Variants in PCGF6 observed in about 807,000 individuals in gnomAD.
The protein encoded by PCGF6 is polycomb group RING finger protein 6.
A neutral mutation model predicts 45.5 loss-of-function variants in PCGF6; 24 were observed. The observed-to-expected ratio is 0.53, with a 90% confidence interval of 0.38 to 0.74. The LOEUF is 0.74. PCGF6 is among the 30% of genes least tolerant of loss of function. PCGF6 has a pLI of 0.00. For synonymous variants in PCGF6, 152 were observed against 162.1 expected, an observed-to-expected ratio of 0.94 and a Z score of 0.47; for missense variants, 356 against 443.2, an observed-to-expected ratio of 0.80 and a Z score of 1.77.
chr10:103,322,717 G>A (rs138390062), intron 8 of PCGF6, among the ~76,000 whole-genome samples: 1 of 151,956 alleles, frequency 6.6e-6, no homozygotes, highest in African/African-American at 2.4e-5. Flanking sequence ...CCAGCTACCT[G>A]GGAGGCTGAG....
At chr10:103,320,710 T>C (rs2133567251) in intron 8 of PCGF6, among the ~76,000 whole-genome samples, 1 of 151,626 alleles carries the variant, frequency 6.6e-6, no homozygotes, top group African/African-American at 2.4e-5. Flanking sequence ...AAGATCTGTA[T>C]TTTTTAAACT....
Position 103,332,848 on chromosome 10 carries a change from C to G in PCGF6, c.810+1077G>C, listed in dbSNP as rs956777120. Among the ~76,000 whole-genome samples, 4 of 152,266 alleles carry G rather than the reference C, an allele frequency of 2.6e-5. No homozygotes were observed. The South Asian group carries it at 8.3e-4, about 32-fold the overall frequency. ...GGGGATTTATGGTCGGGCGCAGTGGCTCACACCTGTAATCCCAGCACTTTG... is the reference window on the plus strand; with the variant it reads ...GGGGATTTATGGTCGGGCGCAGTGGGTCACACCTGTAATCCCAGCACTTTG... On this transcript the variant is annotated intron_variant, in intron 7 of 9. Transcript: ENST00000369847.
intron 8 of PCGF6, among the ~76,000 whole-genome samples, chr10:103,322,498 G>A (rs1222381631): frequency 1.3e-5 from 2 of 150,552 alleles, no homozygotes; most frequent in Non-Finnish European, 3.0e-5. Flanking sequence ...AAGCCACCAC[G>A]GCCAGCCCAA....
intron 5 of PCGF6, among the ~76,000 whole-genome samples, chr10:103,345,653 C>T (rs2093296276): frequency 6.6e-6 from 1 of 151,128 alleles, no homozygotes; most frequent in South Asian, 2.1e-4. Flanking sequence ...CATCGCAAAA[C>T]CCTGCCCCTA....
chr10:103,326,558 T>C lies in PCGF6; in HGVS notation c.885A>G (p.Lys295=). The change falls in exon 8 of 10, where the codon AAA becomes AAG. Residue 295 remains lysine, a synonymous_variant. Coordinates refer to ENST00000369847, the MANE Select transcript of PCGF6 (RefSeq NM_001011663.2). ...CCTGACAAGCTGGATCAAGACCCAT[T>C]TTTCTTCTGAGGAATTTTTCTACAT... ...IGHVEKFLRR[K]MGLDPACQVD... 1.2e-6 allele frequency: 2 copies of C among 1,612,104 alleles called. No homozygotes were observed. Among genetic ancestry groups the C allele is most frequent in the Non-Finnish European group, 1.7e-6 (2 of 1,179,680 alleles).
chr10:103,347,599 T>C, intron 3 of PCGF6, 149 bp from the exon 4 acceptor site: 2 of 642,106 alleles, frequency 3.1e-6, no homozygotes, highest in Non-Finnish European at 5.5e-6. Context: ...TCCTAAAATA[T>C]AACTCACTCA....
intron 8 of PCGF6, among the ~76,000 whole-genome samples, chr10:103,322,784 A>G (rs955826826): frequency 3.2e-4 from 49 of 152,048 alleles, no homozygotes; most frequent in African/African-American, 1.2e-3. Context: ...AGACTGTGCC[A>G]CTGCACTCCA....
chr10:103,342,987 G>A (rs2093286501), intron 6 of PCGF6, among the ~76,000 whole-genome samples: 1 of 152,014 alleles, frequency 6.6e-6, no homozygotes, highest in Non-Finnish European at 1.5e-5. Context: ...GGAGTGCAGT[G>A]GCACCACCTC....
chr10:103,350,644 G>C (rs1380042955), intron 1 of PCGF6, 63 bp downstream of exon 1: 2 of 1,358,066 alleles, frequency 1.5e-6, no homozygotes, highest in Non-Finnish European at 1.9e-6. Flanking sequence ...CCCGGCAGAC[G>C]AGGGCCAGCT....
At chr10:103,331,823 C>T (rs955820855) in intron 7 of PCGF6, among the ~76,000 whole-genome samples, 13 of 152,164 alleles carry the variant, frequency 8.5e-5, no homozygotes, top group African/African-American at 1.2e-4. Flanking sequence ...GACAGAGTCT[C>T]GCTGTGTCGC....
chr10:103,341,605 T>C (rs1157619001), intron 6 of PCGF6, among the ~76,000 whole-genome samples: 3 of 147,098 alleles, frequency 2.0e-5, no homozygotes, highest in Non-Finnish European at 4.5e-5. Context: ...ACATCCAGCT[T>C]TTTTTTTTTT....
intron 9 of PCGF6, among the ~76,000 whole-genome samples, chr10:103,307,113 CAAAAAAT>C (rs1206368115): frequency 6.7e-6 from 1 of 150,294 alleles, no homozygotes; most frequent in African/African-American, 2.4e-5. Flanking sequence ...CAAAAACAAA[CAAAAAAT>C]AAAAAATAAA....
chr10:103,315,962 G>A (rs1209224998), intron 8 of PCGF6, among the ~76,000 whole-genome samples: 1 of 147,872 alleles, frequency 6.8e-6, no homozygotes, highest in African/African-American at 2.5e-5. Context: ...AGCCTCAACA[G>A]CTTATATGTG....
chr10:103,345,045 G>A lies in PCGF6; in HGVS notation c.761C>T (p.Ser254Phe). 1 of 1,607,010 alleles carries A rather than the reference G, an allele frequency of 6.2e-7. No homozygotes were observed. Among genetic ancestry groups the A allele is most frequent in the Non-Finnish European group, 8.5e-7 (1 of 1,175,090 alleles). The change falls in exon 6 of 10, where the codon TCT becomes TTT. Residue 254 changes from serine (S) to phenylalanine (F), a missense_variant. Physicochemically the swap from Ser to Phe is radical, Grantham distance 155. This residue lies in a region of PCGF6 where 307 missense variants were observed against 350.1 expected (regional missense o/e 0.88). Coordinates refer to ENST00000369847, the MANE Select transcript of PCGF6 (RefSeq NM_001011663.2). ...TCACCCAATGAACTCCAGTAATAAA[G>A]ACATATCAAGTTCAGGTGGAATACG... is the stretch of plus-strand genomic sequence containing the variant. ...VFRIPPELDMSLLLEFIGANE... is the reference protein window; with the variant it reads ...VFRIPPELDMFLLLEFIGANE...
chr10:103,316,627 G>A (rs1045419163), intron 8 of PCGF6, among the ~76,000 whole-genome samples: 4 of 152,046 alleles, frequency 2.6e-5, no homozygotes, highest in Non-Finnish European at 4.4e-5. Flanking sequence ...CTCAGGGGTC[G>A]GCAAACCGTT....
chr10:103,321,854 A>G (rs899106254), intron 8 of PCGF6, among the ~76,000 whole-genome samples: 3 of 152,064 alleles, frequency 2.0e-5, no homozygotes, highest in Non-Finnish European at 4.4e-5. Context: ...CATATTTCAA[A>G]ACATCATGTT....
At chr10:103,334,211 G>A (rs1430145764) in intron 6 of PCGF6, among the ~76,000 whole-genome samples, 1 of 151,730 alleles carries the variant, frequency 6.6e-6, no homozygotes, top group East Asian at 1.9e-4. Context: ...TTTTTTTGAT[G>A]GAAAATATGA....
intron 6 of PCGF6, among the ~76,000 whole-genome samples, chr10:103,336,327 A>G (rs1326732595): frequency 6.6e-6 from 1 of 151,308 alleles, no homozygotes; most frequent in Non-Finnish European, 1.5e-5. Context: ...TAAATGATAT[A>G]TTATTTTATA....
chr10:103,340,180 G>GGA (rs2093275051), intron 6 of PCGF6, among the ~76,000 whole-genome samples: 3 of 72,234 alleles, frequency 4.2e-5, no homozygotes, highest in African/African-American at 1.6e-4. Flanking sequence ...CTGTCTCAGG[G>GGA]AAAAAAAAAA....
Sources: gnomAD v4.1 joint callset for allele counts (sites outside exome capture counted in the v4.1 genomes callset) on GRCh38, gnomAD v4.1.1 for gene constraint, gnomAD v4.1.1 regional missense constraint, MANE v1.5 for transcripts, NCBI Gene and HGNC (gene_info 2026-07-23, HGNC 2026-07-21) for gene names.